Variants in PSIP1 observed in about 807,000 individuals in gnomAD.
The protein encoded by PSIP1 is PC4 and SRSF1 interacting protein 1, also known as PC4 and SFRS1-interacting protein.
In PSIP1, 19 loss-of-function variants were observed where a neutral mutation model predicts 74.7. The observed-to-expected ratio is 0.25, with a 90% CI of 0.18 to 0.37. PSIP1 has a LOEUF of 0.37. Ranked by LOEUF, PSIP1 falls within the 10% of genes least tolerant of loss-of-function variation. The probability of loss-of-function intolerance (pLI) is 1.00; values close to 1 mark genes in which losing one functional copy is unlikely to be tolerated. For synonymous variants in PSIP1, 222 were observed against 195.3 expected (o/e 1.14, Z -1.14); for missense variants, 601 against 614.3 (o/e 0.98, Z 0.23).
intron 3 of PSIP1, among the ~76,000 whole-genome samples, chr9:15,496,730 A>G (rs1438489655): frequency 6.6e-6 from 1 of 152,232 alleles, no homozygotes; most frequent in African/African-American, 2.4e-5. Context: ...AAAATTAAAT[A>G]ACTATGTTCT....
rs2035540902 is a variant in PSIP1 at position 15,465,295 on chromosome 9, A to G, written c.*225T>C. ...CTGGAAAAGCAGTTTAACATTTTCT[A>G]AATGGATTTTATCCCACATTTACTG... On this transcript the variant is annotated 3_prime_UTR_variant, in exon 16 of 16. Coordinates refer to ENST00000380733, the MANE Select transcript of PSIP1 (RefSeq NM_033222.5). 3 of 449,700 alleles carry G rather than the reference A, an allele frequency of 6.7e-6. 1 individual carries two copies. The allele number at this position is 449,700 out of a possible 1,614,324, so 27.9% of individuals were successfully genotyped here.
chr9:15,499,798 C>T (rs780963044), intron 3 of PSIP1, among the ~76,000 whole-genome samples: 2 of 149,918 alleles, frequency 1.3e-5, no homozygotes, highest in South Asian at 2.2e-4. Context: ...CGCTTGAACC[C>T]GGGAGGCAGA....
intron 8 of PSIP1, 33 bp from the exon 9 acceptor site, chr9:15,474,270 C>T: frequency 6.6e-7 from 1 of 1,512,376 alleles, no homozygotes; most frequent in Non-Finnish European, 9.0e-7. Context: ...GTATACTTGT[C>T]ATTCAACTAT....
intron 3 of PSIP1, among the ~76,000 whole-genome samples, chr9:15,491,306 C>G (rs569336399): frequency 2.8e-4 from 42 of 152,144 alleles, no homozygotes; most frequent in Non-Finnish European, 5.1e-4. Flanking sequence ...TGGCAATAAA[C>G]AGACTGCAAA....
At position 15,473,915 on chromosome 9, in the gene PSIP1, C is replaced by CAAAAAAAAAAAAA. The variant is rs386414512; in HGVS notation, c.858+93_858+94insTTTTTTTTTTTTT. On this transcript the variant is annotated intron_variant, in intron 9 of 15. Coordinates refer to ENST00000380733, the MANE Select transcript of PSIP1 (RefSeq NM_033222.5). ...GACTCCATCTCAAACAAAAAAAAAA[C>CAAAAAAAAAAAAA]AAAAAAAAAAACAAAAAAAAAACAA... The CAAAAAAAAAAAAA allele has an allele frequency of 1.5e-5, 9 of 600,648 alleles. No homozygotes were observed. The African/African-American group carries it at 2.2e-4, about 14-fold the overall frequency. 37.2% of individuals were successfully genotyped at this position (600,648 alleles called of 1,614,324 possible). A position where few individuals can be genotyped will look rare whatever the true frequency, so the allele number is the denominator to read the frequency against.
chr9:15,472,624 A>C lies in PSIP1; in HGVS notation c.977+8T>G, dbSNP rs1321843236. On this transcript the variant is annotated splice_region_variant and intron_variant, in intron 10 of 15. Transcript: ENST00000380733. ...GAACCCAAAATTTAGAAAAAAAAAA[A>C]TACTTACTGCTCAGTTTCCATTTGT... The C allele has an allele frequency of 1.8e-5, 28 of 1,567,520 alleles. No homozygotes were observed. Among genetic ancestry groups the C allele is most frequent in the Non-Finnish European group, 2.2e-5 (26 of 1,167,558 alleles).
At chr9:15,509,037 C>T (rs2037728860) in intron 2 of PSIP1, among the ~76,000 whole-genome samples, 2 of 152,184 alleles carry the variant, frequency 1.3e-5, no homozygotes, top group Non-Finnish European at 2.9e-5. Context: ...AGTCAAGGAA[C>T]AGTGATCGTT....
intron 2 of PSIP1, among the ~76,000 whole-genome samples, chr9:15,508,676 G>C (rs1012396999): frequency 1.3e-5 from 2 of 152,138 alleles, no homozygotes; most frequent in Non-Finnish European, 2.9e-5. Flanking sequence ...AAGTATATCA[G>C]AGGGGCCTTA....
chr9:15,504,423 A>T (rs2037488061), intron 3 of PSIP1, among the ~76,000 whole-genome samples: 1 of 152,206 alleles, frequency 6.6e-6, no homozygotes, highest in Non-Finnish European at 1.5e-5. Context: ...ATAGTAACGT[A>T]AGAATGGACT....
intron 3 of PSIP1, among the ~76,000 whole-genome samples, chr9:15,498,285 G>A (rs529567581): frequency 3.4e-4 from 51 of 152,132 alleles, no homozygotes; most frequent in Non-Finnish European, 5.3e-4. Context: ...CCGTGGTGGC[G>A]TGCACCTATA....
At chr9:15,469,228 AT>A in intron 12 of PSIP1, 37 bp downstream of exon 12, 1 of 1,372,946 alleles carries the variant, frequency 7.3e-7, no homozygotes, top group South Asian at 1.3e-5. Flanking sequence ...GAAGCTATAA[AT>A]GCAGTACTGA....
At chr9:15,477,953 G>T (rs1399355259) in intron 8 of PSIP1, among the ~76,000 whole-genome samples, 3 of 151,104 alleles carry the variant, frequency 2.0e-5, no homozygotes, top group Non-Finnish European at 4.4e-5. Context: ...GCCTGGGAAC[G>T]ATGAGACCAG....
chr9:15,507,734 TTTG>T (rs1460772415), intron 2 of PSIP1, among the ~76,000 whole-genome samples: 19 of 152,364 alleles, frequency 1.2e-4, no homozygotes, highest in Admixed American at 6.5e-4. Flanking sequence ...ATCAGCTGAC[TTTG>T]TTAAGAAGGG....
At position 15,510,123 on chromosome 9, in the gene PSIP1, T is replaced by G; in HGVS notation, c.66A>C (p.Pro22=). Residue 22 remains proline, a synonymous_variant, in exon 2 of 16, where the codon CCA becomes CCC. Transcript: ENST00000380733. ...FAKMKGYPHW[P]ARVDEVPDGA... is the part of the protein sequence containing the mutation. ...AGGGCTACAAATCACTTACTCGAGC[T>G]GGCCAATGGGGATAACCTTTCATCT... 6.2e-7 allele frequency: 1 copy of G among 1,603,744 alleles called. No individual in the cohort carries two copies. Among genetic ancestry groups the G allele is most frequent in the African/African-American group, 1.4e-5 (1 of 73,708 alleles).
Position 15,510,296 on chromosome 9 carries a change from G to A in PSIP1, c.-108C>T. The A allele has an allele frequency of 2.3e-6, 2 of 863,750 alleles. No individual in the cohort carries two copies. Among genetic ancestry groups the A allele is most frequent in the East Asian group, 2.9e-5 (1 of 33,968 alleles). 53.5% of individuals were successfully genotyped at this position (863,750 alleles called of 1,614,324 possible). A position where few individuals can be genotyped will look rare whatever the true frequency, so the allele number is the denominator to read the frequency against. Reference sequence around the variant, plus strand: ...GGCCCAGCTACCGGGCCCGCGGGCGGGGGAGGATGCCTCGGGGCGTCCCGA... The same window carrying A: ...GGCCCAGCTACCGGGCCCGCGGGCGAGGGAGGATGCCTCGGGGCGTCCCGA... On this transcript the variant is annotated 5_prime_UTR_variant, in exon 2 of 16. Transcript: ENST00000380733.
chr9:15,466,749 T>G lies in PSIP1; in HGVS notation c.1531A>C (p.Lys511Gln). 1 of 1,606,698 alleles carries G rather than the reference T, an allele frequency of 6.2e-7. No homozygotes were observed. Among genetic ancestry groups the G allele is most frequent in the South Asian group, 1.1e-5 (1 of 89,426 alleles). ...GACCCATTAAAACCTATTCCTCACT[T>G]TTTCTTCGTGCTGGCTTCATGGTTG... Reference protein sequence around the residue: ...KDNHEASTKKKPSSEERETEI... With the variant: ...KDNHEASTKKQPSSEERETEI... Residue 511 changes from lysine (K) to glutamine (Q), a missense_variant and splice_region_variant, in exon 15 of 16, where the codon AAG (lysine) becomes CAG (glutamine). This residue lies in a region of PSIP1 where 538 missense variants were observed against 507.6 expected (regional missense o/e 1.06). Transcript: ENST00000380733.
At chr9:15,468,334 T>C (rs1279641311) in intron 14 of PSIP1, 3 of 602,542 alleles carry the variant, frequency 5.0e-6, no homozygotes, top group Non-Finnish European at 9.5e-6. Context: ...GTGGGTACTC[T>C]AGGGATTAGG....
intron 8 of PSIP1, among the ~76,000 whole-genome samples, chr9:15,475,233 T>C (rs2036026939): frequency 6.6e-6 from 1 of 152,212 alleles, no homozygotes; most frequent in Non-Finnish European, 1.5e-5. Context: ...TTTATCCTTT[T>C]AACTTTAGCC....
At chr9:15,496,594 T>C (rs549333485) in intron 3 of PSIP1, among the ~76,000 whole-genome samples, 16 of 152,332 alleles carry the variant, frequency 1.1e-4, no homozygotes, top group Non-Finnish European at 2.4e-4. Flanking sequence ...CTTTGCTAAG[T>C]AGGTTTTTAA....
Sources: gnomAD v4.1 joint callset for allele counts (sites outside exome capture counted in the v4.1 genomes callset) on GRCh38, gnomAD v4.1.1 for gene constraint, gnomAD v4.1.1 regional missense constraint, MANE v1.5 for transcripts, NCBI Gene and HGNC (gene_info 2026-07-23, HGNC 2026-07-21) for gene names.